The following MCM6 variants were observed in gnomAD, a reference collection of about 807,000 sequenced individuals.
MCM6 encodes DNA replication licensing factor MCM6.
In MCM6, 46 loss-of-function variants were observed where a neutral mutation model predicts 94.3. That is an observed-to-expected ratio of 0.49 (90% CI 0.39 to 0.62). The LOEUF (loss-of-function observed/expected upper bound fraction) is 0.62, where lower values mean the gene tolerates loss of function less well. Ranked by LOEUF, MCM6 falls within the 20% of genes least tolerant of loss-of-function variation. The probability of loss-of-function intolerance (pLI) is 0.00; values close to 1 mark genes in which losing one functional copy is unlikely to be tolerated. For synonymous variants in MCM6, 335 were observed against 351.9 expected, an observed-to-expected ratio of 0.95 and a Z score of 0.54; for missense variants, 865 against 1,017.9, an observed-to-expected ratio of 0.85 and a Z score of 2.04.
At chr2:135,858,054 A>G (rs2105582410) in intron 9 of MCM6, 50 bp from the exon 10 acceptor site, 1 of 1,520,510 alleles carries the variant, frequency 6.6e-7, no homozygotes. Flanking sequence ...AGCTGGATGC[A>G]TGGCTCACAC....
At position 135,840,244 on chromosome 2, in the gene MCM6, G is replaced by T; in HGVS notation, c.*591C>A. On this transcript the variant is annotated 3_prime_UTR_variant, in exon 17 of 17. Coordinates refer to ENST00000264156, the MANE Select transcript of MCM6 (RefSeq NM_005915.6). ...AACTTAAAAAAAAAAAAAAACAACT[G>T]GAATTAACCTTGGAAAGTCATCTCT... 6.8e-6 allele frequency: 1 copy of T among 147,642 alleles called. No individual in the cohort carries two copies. 9.1% of individuals were successfully genotyped at this position (147,642 alleles called of 1,614,324 possible).
At chr2:135,857,822 G>T in intron 10 of MCM6, 75 bp downstream of exon 10, 1 of 1,214,558 alleles carries the variant, frequency 8.2e-7, no homozygotes. Context: ...ATTTTATCCA[G>T]GTGAACTTCT....
At chr2:135,844,723 C>A (rs138730070) in intron 15 of MCM6, 39 bp from the exon 16 acceptor site, 14 of 1,495,874 alleles carry the variant, frequency 9.4e-6, no homozygotes, top group Non-Finnish European at 1.2e-5. Context: ...CCTAGCAACT[C>A]GTACTGTCAG....
intron 3 of MCM6, 41 bp from the exon 4 acceptor site, chr2:135,868,901 T>G: frequency 1.3e-6 from 2 of 1,584,878 alleles, no homozygotes; most frequent in South Asian, 2.2e-5. Flanking sequence ...CATTCATCTC[T>G]TAACTAAGAA....
intron 12 of MCM6, 55 bp from the exon 13 acceptor site, chr2:135,851,618 G>T: frequency 6.9e-7 from 1 of 1,453,560 alleles, no homozygotes; most frequent in Non-Finnish European, 9.2e-7. Context: ...TGAGAGCTAC[G>T]GTAAACCTAA....
intron 13 of MCM6, 46 bp from the exon 14 acceptor site, chr2:135,848,234 C>T (rs1477187278): frequency 7.0e-7 from 1 of 1,430,568 alleles, no homozygotes; most frequent in East Asian, 2.3e-5. Context: ...TTTTGATATA[C>T]CAAACAGATT....
intron 11 of MCM6, 117 bp downstream of exon 11, chr2:135,856,609 CCT>C (rs1315941705): frequency 9.7e-7 from 1 of 1,027,446 alleles, no homozygotes; most frequent in African/African-American, 1.6e-5. Context: ...CCTGTGCCAC[CCT>C]GAGGGAAATC....
chr2:135,871,006 G>C (rs1435694357), intron 2 of MCM6, among the ~76,000 whole-genome samples: 1 of 152,110 alleles, frequency 6.6e-6, no homozygotes, highest in Admixed American at 6.6e-5. Context: ...ATCCACCTCA[G>C]CCTCCCAAAG....
chr2:135,866,042 C>T (rs1680088629), intron 6 of MCM6, 90 bp downstream of exon 6: 2 of 1,418,574 alleles, frequency 1.4e-6, no homozygotes, highest in African/African-American at 1.4e-5. Flanking sequence ...GTGGAGGCTA[C>T]AGTGAGCCAT....
intron 13 of MCM6, among the ~76,000 whole-genome samples, chr2:135,850,647 G>C (rs930079071): frequency 5.9e-5 from 9 of 152,212 alleles, no homozygotes; most frequent in African/African-American, 2.2e-4. Flanking sequence ...AGTAGTGATT[G>C]AAGTCGGAAC....
Position 135,872,796 on chromosome 2 carries a change from T to A in MCM6, c.155A>T (p.Glu52Val), listed in dbSNP as rs1680226213. ...GEIKYLQLAE[E>V]LIRPERNTLV... ...TGTGTTTCTCTCAGGACGAATCAGT[T>A]CCTCTGCTAATTGCAAGTATTTAAT... Residue 52 changes from glutamate (E) to valine (V), a missense_variant, in exon 2 of 17, where the codon GAA (glutamate) becomes GTA (valine). Physicochemically the swap from Glu to Val is moderately radical, Grantham distance 121. This residue lies in a region of MCM6 where 404 missense variants were observed against 451.9 expected (regional missense o/e 0.89). Transcript: ENST00000264156. 6.2e-7 allele frequency: 1 copy of A among 1,614,086 alleles called. No individual in the cohort carries two copies. The highest frequency in any genetic ancestry group is 8.5e-7 in the Non-Finnish European group (1 of 1,180,042).
intron 3 of MCM6, 59 bp from the exon 4 acceptor site, chr2:135,868,919 A>G (rs1680151034): frequency 4.0e-6 from 6 of 1,514,316 alleles, no homozygotes; most frequent in Non-Finnish European, 4.6e-6. Context: ...GAATCTTTCC[A>G]TTTTAGTGAG....
chr2:135,872,544 C>T (rs1489322249), intron 2 of MCM6, among the ~76,000 whole-genome samples, 153 bp downstream of exon 2: 3 of 152,146 alleles, frequency 2.0e-5, no homozygotes, highest in East Asian at 1.9e-4. Context: ...AGTACTAAAA[C>T]GACCACTGGC....
intron 8 of MCM6, 134 bp from the exon 9 acceptor site, chr2:135,859,576 A>T: frequency 1.8e-6 from 1 of 558,834 alleles, no homozygotes; most frequent in Non-Finnish European, 3.1e-6. Flanking sequence ...CACATGCCAC[A>T]GACTAAATGG....
intron 8 of MCM6, among the ~76,000 whole-genome samples, chr2:135,860,912 T>C (rs1429752349): frequency 6.6e-6 from 1 of 152,200 alleles, no homozygotes. Flanking sequence ...GGCAGCCAGA[T>C]GGGATACTCC....
At chr2:135,846,596 G>A (rs140159427) in intron 14 of MCM6, among the ~76,000 whole-genome samples, 2,731 of 152,112 alleles carry the variant, frequency 0.018, 44 homozygotes, top group Non-Finnish European at 0.024. Flanking sequence ...TCCTGTCTTG[G>A]TCTCCCAAGT....
rs569723590 is a variant in MCM6 at position 135,857,796 on chromosome 2, C to G, written c.1470+101G>C. The G allele has an allele frequency of 1.3e-4, 115 of 889,882 alleles. No individual in the cohort carries two copies. In the African/African-American group the frequency reaches 1.5e-3, roughly 12 times the overall value. 55.1% of individuals were successfully genotyped at this position (889,882 alleles called of 1,614,324 possible). A position where few individuals can be genotyped will look rare whatever the true frequency, so the allele number is the denominator to read the frequency against. ...TTTTCCATTTTAATGAACAGCATTA[C>G]ACACTGAAGTAATGAATTTTATCCA... On this transcript the variant is annotated intron_variant, in intron 10 of 16. Coordinates refer to ENST00000264156, the MANE Select transcript of MCM6 (RefSeq NM_005915.6).
rs753887287 is a variant in MCM6, at chr2:135,876,335, C to T, written c.31G>A (p.Ala11Thr). Residue 11 changes from alanine to threonine, a missense_variant, in exon 1 of 17, where the codon GCC (alanine) becomes ACC (threonine). This residue lies in a region of MCM6 where 404 missense variants were observed against 451.9 expected (regional missense o/e 0.89). Coordinates refer to ENST00000264156, the MANE Select transcript of MCM6 (RefSeq NM_005915.6). ...CGGACCTCCAGGTGCTGGCTGCCGG[C>T]GCCCGGCTCCGCTGCCGCCGCGAGG... MDLAAAAEPG[A>T]GSQHLEVRDE... 1 of 1,609,336 alleles carries T rather than the reference C, an allele frequency of 6.2e-7. No homozygotes were observed. Among genetic ancestry groups the T allele is most frequent in the South Asian group, 1.1e-5 (1 of 90,924 alleles).
At chr2:135,847,279 T>C (rs1220187701) in intron 14 of MCM6, among the ~76,000 whole-genome samples, 4 of 151,302 alleles carry the variant, frequency 2.6e-5, no homozygotes. Context: ...TAGCCAGGAG[T>C]GGTGGCGTGG....
Sources: gnomAD v4.1 joint callset for allele counts (sites outside exome capture counted in the v4.1 genomes callset) on GRCh38, gnomAD v4.1.1 for gene constraint, gnomAD v4.1.1 regional missense constraint, MANE v1.5 for transcripts, NCBI Gene and HGNC (gene_info 2026-07-23, HGNC 2026-07-21) for gene names.